GSE1: variants seen among roughly 807,000 people sequenced by gnomAD.
GSE1 encodes Gse1 coiled-coil protein.
Under a neutral mutation model 112.6 loss-of-function variants are expected in GSE1, and 32 were observed. The observed-to-expected ratio is 0.28, with a 90% CI of 0.21 to 0.38. GSE1 has a LOEUF of 0.38. Among genes scored for constraint, GSE1 ranks in the 10% least tolerant of loss-of-function variants. The pLI, the probability that GSE1 is intolerant of heterozygous loss-of-function variation, is 1.00. For missense variants in GSE1, 2,348 were observed against 1,699.2 expected, an observed-to-expected ratio of 1.38 and a Z score of -6.71; for synonymous variants, 1,115 against 735.6, an observed-to-expected ratio of 1.52 and a Z score of -8.35.
rs112173531 is a variant in GSE1, at chr16:85,320,441, ATGTTT to A, written c.2284-36995_2284-36991del. Among the ~76,000 whole-genome samples the A allele has an allele frequency of 2.2e-3, 333 of 149,156 alleles. 2 individuals carry two copies. The highest frequency in any genetic ancestry group is 0.021 in the East Asian group (102 of 4,960). ...ACAGGGCCGCCACCATACCCGGCTA[ATGTTT>A]TGTTTTGTTTTGTTTTGTTTTGTTT... On this transcript the variant is annotated intron_variant, in intron 1 of 2. Transcript: ENST00000637419.
chr16:85,243,333 T>C (rs1832432077), intron 1 of GSE1, among the ~76,000 whole-genome samples: 1 of 152,116 alleles, frequency 6.6e-6, no homozygotes, highest in South Asian at 2.1e-4. Flanking sequence ...CAGGGGAGAA[T>C]CTCTTTGCTT....
intron 1 of GSE1, among the ~76,000 whole-genome samples, chr16:85,216,644 C>T (rs1265706387): frequency 1.3e-5 from 2 of 152,146 alleles, no homozygotes; most frequent in African/African-American, 4.8e-5. Context: ...AATTGAGGCA[C>T]AGGGAGGTTA....
At position 85,324,809 on chromosome 16, in the gene GSE1, G is replaced by T. The variant is rs7195381; in HGVS notation, c.2284-32654G>T. Reference sequence around the variant, plus strand: ...GCCTGGGGAAGGCGATTCCGTCGGGGAAAGGGGGATAAATCTGAATGGGTA... The same window carrying T: ...GCCTGGGGAAGGCGATTCCGTCGGGTAAAGGGGGATAAATCTGAATGGGTA... On this transcript the variant is annotated intron_variant, in intron 1 of 2. Coordinates refer to the GSE1 transcript ENST00000637419. Among the ~76,000 whole-genome samples, 492 of 152,272 alleles carry T rather than the reference G, an allele frequency of 3.2e-3. 6 individuals carry two copies. The highest frequency in any genetic ancestry group is 0.011 in the African/African-American group (473 of 41,564).
chr16:85,535,823 G>A (rs2044306758), intron 2 of GSE1, among the ~76,000 whole-genome samples: 1 of 152,232 alleles, frequency 6.6e-6, no homozygotes, highest in Admixed American at 6.5e-5. Flanking sequence ...CAGGGCCAGC[G>A]GACCTTCTTT....
At chr16:85,199,858 A>T (rs115469664) in intron 1 of GSE1, among the ~76,000 whole-genome samples, 2,366 of 152,100 alleles carry the variant, frequency 0.016, 96 homozygotes, top group East Asian at 0.13. Flanking sequence ...GGTGGCTGGG[A>T]GAGCAGGGAG....
upstream of GSE1, chr16:85,611,397 C>G (rs890696115): frequency 8.9e-6 from 8 of 901,180 alleles, no homozygotes; most frequent in Admixed American, 1.2e-4. Context: ...CCCGGGCCCG[C>G]GCGGCCGAGC....
At chr16:85,253,058 GCCCCCCCCCCACC>G (rs1906663215) in intron 1 of GSE1, among the ~76,000 whole-genome samples, 4 of 47,158 alleles carry the variant, frequency 8.5e-5, no homozygotes, top group Middle Eastern at 0.019. Context: ...AGGCGCCCCC[GCCCCCCCCCCACC>G]CCCCCCCCCC....
At chr16:85,199,425 G>A (rs930464274) in intron 1 of GSE1, among the ~76,000 whole-genome samples, 10 of 152,150 alleles carry the variant, frequency 6.6e-5, no homozygotes, top group Non-Finnish European at 1.5e-5. Context: ...TCACGGGGCC[G>A]AGTCTTCTGA....
At chr16:85,336,137 G>A (rs749718661) in intron 1 of GSE1, among the ~76,000 whole-genome samples, 5 of 152,238 alleles carry the variant, frequency 3.3e-5, no homozygotes, top group Non-Finnish European at 5.9e-5. Flanking sequence ...CCCGGCTGCA[G>A]TTCTGCAGGA....
chr16:85,241,913 A>G (rs1222269403), intron 1 of GSE1, among the ~76,000 whole-genome samples: 1 of 151,860 alleles, frequency 6.6e-6, no homozygotes, highest in Non-Finnish European at 1.5e-5. Flanking sequence ...TCCTCCCTTC[A>G]TGGTGGCTGC....
At chr16:85,199,625 G>A (rs1483607585) in intron 1 of GSE1, among the ~76,000 whole-genome samples, 1 of 152,192 alleles carries the variant, frequency 6.6e-6, no homozygotes, top group Non-Finnish European at 1.5e-5. Flanking sequence ...TTTCTCCTGT[G>A]AAAAGTGCTG....
upstream of GSE1, among the ~76,000 whole-genome samples, chr16:85,608,386 A>C (rs1405469655): frequency 6.6e-6 from 1 of 152,122 alleles, no homozygotes; most frequent in Non-Finnish European, 1.5e-5. Flanking sequence ...GACTGTGCAT[A>C]CAGGGGAGCT....
intron 2 of GSE1, among the ~76,000 whole-genome samples, chr16:85,476,218 C>G (rs2050450874): frequency 6.6e-6 from 1 of 152,206 alleles, no homozygotes; most frequent in African/African-American, 2.4e-5. Context: ...AGGCGTCAGC[C>G]ACCGTGCCTC....
chr16:85,660,279 C>T (rs541634478), intron 8 of GSE1, among the ~76,000 whole-genome samples: 73 of 152,324 alleles, frequency 4.8e-4, no homozygotes, highest in Admixed American at 7.2e-4. Context: ...GGGTCTCTGC[C>T]TTCCCTAGCA....
intron 2 of GSE1, among the ~76,000 whole-genome samples, chr16:85,646,562 G>C (rs2050885574): frequency 6.6e-6 from 1 of 152,222 alleles, no homozygotes; most frequent in South Asian, 2.1e-4. Context: ...CTGGACACCA[G>C]TTGGGTGCTG....
At chr16:85,666,564 G>T in intron 13 of GSE1, 1 of 588,008 alleles carries the variant, frequency 1.7e-6, no homozygotes, top group South Asian at 2.0e-5. Context: ...ACGTTTGTAG[G>T]CACCAGCGCT....
chr16:85,565,430 A>G (rs1223941863), intron 1 of GSE1, among the ~76,000 whole-genome samples: 1 of 151,512 alleles, frequency 6.6e-6, no homozygotes, highest in African/African-American at 2.4e-5. Flanking sequence ...AAAACCACCA[A>G]CCAACCCCCT....
chr16:85,397,074 T>C (rs905957079), intron 2 of GSE1, among the ~76,000 whole-genome samples: 1 of 152,022 alleles, frequency 6.6e-6, no homozygotes, highest in Non-Finnish European at 1.5e-5. Context: ...CATGGGCAGA[T>C]GGAAAAGGAG....
At chr16:85,634,664 C>G (rs1308117066) in intron 2 of GSE1, among the ~76,000 whole-genome samples, 1 of 152,198 alleles carries the variant, frequency 6.6e-6, no homozygotes, top group Non-Finnish European at 1.5e-5. Flanking sequence ...AGACAAGCGG[C>G]CCCCGGGGTC....
Sources: allele counts gnomAD v4.1 joint callset (sites outside exome capture counted in the v4.1 genomes callset), GRCh38; gene constraint gnomAD v4.1.1; transcripts MANE v1.5; gene names NCBI Gene and HGNC (gene_info 2026-07-23, HGNC 2026-07-21).